FMNL1: variants seen among roughly 807,000 people sequenced by gnomAD.
FMNL1 encodes the protein formin like 1.
Under a neutral mutation model 121.3 loss-of-function variants are expected in FMNL1, and 43 were observed. The ratio of observed to expected loss-of-function variants is 0.35; its 90% CI spans 0.28 to 0.46. The LOEUF is 0.46. Among genes scored for constraint, FMNL1 ranks in the 20% least tolerant of loss-of-function variants. The probability of loss-of-function intolerance (pLI) is 1.00; values close to 1 mark genes in which losing one functional copy is unlikely to be tolerated. For synonymous variants in FMNL1, 613 were observed against 613.5 expected, an observed-to-expected ratio of 1.00 and a Z score of 0.01; for missense variants, 1,191 against 1,482.4, an observed-to-expected ratio of 0.80 and a Z score of 3.23.
At chr17:45,223,118 C>T (rs1310167533) in intron 1 of FMNL1, among the ~76,000 whole-genome samples, 1 of 152,198 alleles carries the variant, frequency 6.6e-6, no homozygotes, top group African/African-American at 2.4e-5. Flanking sequence ...ACTCTCCCCA[C>T]CCCCGACGCC....
chr17:45,244,771 T>G, intron 19 of FMNL1, 48 bp from the exon 20 acceptor site: 1 of 1,567,272 alleles, frequency 6.4e-7, no homozygotes, highest in Non-Finnish European at 8.7e-7. Context: ...GCTTAAGCGG[T>G]GTCCTCAGCT....
At chr17:45,236,269 C>T (rs374827847) in intron 7 of FMNL1, 25 bp downstream of exon 7, 109 of 1,595,774 alleles carry the variant, frequency 6.8e-5, no homozygotes, top group Non-Finnish European at 8.7e-5. Flanking sequence ...ATGGGACTGG[C>T]GACTAGGGAG....
chr17:45,235,479 G>C (rs1036238342), intron 6 of FMNL1, among the ~76,000 whole-genome samples: 1 of 152,224 alleles, frequency 6.6e-6, no homozygotes, highest in African/African-American at 2.4e-5. Context: ...AGGAGGGGGT[G>C]AAGGCGGGGC....
In FMNL1 at chr17:45,245,544, G is replaced by A. The variant is rs1217559556; in HGVS notation, c.2893-88G>A. On this transcript the variant is annotated intron_variant, in intron 22 of 26. Coordinates refer to ENST00000331495, the MANE Select transcript of FMNL1 (RefSeq NM_005892.4). ...GCAGGAATGAGGGGCCACCCTGCCT[G>A]GGAGGAGCTCAGATCAGGTGGCCAG... 1.9e-6 allele frequency: 3 copies of A among 1,602,122 alleles called. No homozygotes were observed. The East Asian group carries it at 6.7e-5, about 36-fold the overall frequency.
intron 20 of FMNL1, 33 bp from the exon 21 acceptor site, chr17:45,244,946 G>T (rs1163228093): frequency 6.2e-7 from 1 of 1,612,086 alleles, no homozygotes; most frequent in Admixed American, 1.7e-5. Context: ...GGACTGGCTG[G>T]TGGCCTGTGG....
intron 11 of FMNL1, 73 bp from the exon 12 acceptor site, chr17:45,240,403 G>A (rs868563772): frequency 3.4e-6 from 5 of 1,468,852 alleles, no homozygotes; most frequent in Middle Eastern, 4.4e-4. Context: ...AGTGGTGGCA[G>A]GGGGGTGGTT....
chr17:45,234,572 G>A lies in FMNL1; in HGVS notation c.614+372G>A, dbSNP rs551577676. ...CTAGCTACTCAGGAAGCTGAGGTGG[G>A]AGAATCGCTGGAGCCCAGGGGATGG... is the stretch of plus-strand genomic sequence containing the variant. On this transcript the variant is annotated intron_variant, in intron 6 of 26. Transcript: ENST00000331495. The A allele has an allele frequency of 5.9e-4, 186 of 315,548 alleles. 1 individual carries two copies. The highest frequency in any genetic ancestry group is 4.9e-3 in the South Asian group (186 of 37,994). 19.5% of individuals were successfully genotyped at this position (315,548 alleles called of 1,614,324 possible).
chr17:45,243,932 G>A lies in FMNL1; in HGVS notation c.2355G>A (p.Met785Ile), dbSNP rs1305354353. The change falls in exon 18 of 27, where the codon ATG becomes ATA. Residue 785 changes from methionine to isoleucine, a missense_variant. Transcript: ENST00000331495. The stretch of plus-strand genomic sequence containing the variant: ...AGCTGTCAGAGGAGGACCGCTTCAT[G>A]CTATGCTTCAGCCGCATCCCGCGCC... ...MEELSEEDRF[M>I]LCFSRIPRLP... is the part of the protein sequence containing the mutation. 1 of 1,613,736 alleles carries A rather than the reference G, an allele frequency of 6.2e-7. No homozygotes were observed. Among genetic ancestry groups the A allele is most frequent in the African/African-American group, 1.3e-5 (1 of 74,962 alleles).
At position 45,241,531 on chromosome 17, in the gene FMNL1, G is replaced by T. The variant is rs145345339; in HGVS notation, c.1482G>T (p.Gly494=). Residue 494 remains glycine (G), a synonymous_variant, in exon 14 of 27, where the codon GGG becomes GGT. Transcript: ENST00000331495. This position sits in a 1 kb window ranked among gnomAD's most constrained non-coding sequence, Gnocchi z 7.0. ...EEKGLIRILR[G]PGDAVSIEIL... Reference sequence around the variant, plus strand: ...AGGGGTTAATCCGTATTCTGCGGGGGCCGGGGGATGCTGTCTCCATCGAGA... The same window carrying T: ...AGGGGTTAATCCGTATTCTGCGGGGTCCGGGGGATGCTGTCTCCATCGAGA... 210 of 1,577,004 alleles carry T rather than the reference G, an allele frequency of 1.3e-4. No homozygotes were observed. Among genetic ancestry groups the T allele is most frequent in the Non-Finnish European group, 1.8e-4 (206 of 1,162,498 alleles).
intron 1 of FMNL1, among the ~76,000 whole-genome samples, chr17:45,225,936 T>A (rs188561494): frequency 6.6e-6 from 1 of 152,266 alleles, no homozygotes; most frequent in East Asian, 1.9e-4. Context: ...ACAGAGCAGA[T>A]GCTCAGTAAC....
Position 45,237,196 on chromosome 17 carries a change from A to C in FMNL1, c.724-85A>C. 1.6e-6 allele frequency: 2 copies of C among 1,247,546 alleles called. No homozygotes were observed. Among genetic ancestry groups the C allele is most frequent in the Non-Finnish European group, 2.3e-6 (2 of 854,734 alleles). 77.3% of individuals were successfully genotyped at this position (1,247,546 alleles called of 1,614,324 possible). On this transcript the variant is annotated intron_variant, in intron 7 of 26. Transcript: ENST00000331495. The surrounding 1 kb of genome is among the most constrained non-coding windows in gnomAD (Gnocchi z 4.4). Reference sequence around the variant, plus strand: ...GGATACAAAGAACTTCCTAAACTCGAGGGCAGTTAAAGATCCACGTGGCGT... The same window carrying C: ...GGATACAAAGAACTTCCTAAACTCGCGGGCAGTTAAAGATCCACGTGGCGT...
chr17:45,245,829 G>A, intron 23 of FMNL1, 49 bp from the exon 24 acceptor site: 1 of 1,575,136 alleles, frequency 6.3e-7, no homozygotes, highest in Non-Finnish European at 8.6e-7. Context: ...TAGGGGGTGG[G>A]TAGGGCAGTA....
intron 3 of FMNL1, chr17:45,232,739 G>A: frequency 1.7e-6 from 1 of 604,406 alleles, no homozygotes. Context: ...CACATGTGCA[G>A]CCCATATGTC....
Position 45,246,190 on chromosome 17 carries a change from G to A in FMNL1, c.3091-20G>A. The A allele has an allele frequency of 1.3e-6, 2 of 1,596,842 alleles. No homozygotes were observed. Among genetic ancestry groups the A allele is most frequent in the South Asian group, 1.1e-5 (1 of 89,762 alleles). ...GTGATGGGGAGGCATCCTGGAGCTG[G>A]AGCTATAAATTCCCCCTAGTCACCG... On this transcript the variant is annotated intron_variant, in intron 24 of 26. Transcript: ENST00000331495.
chr17:45,222,246 G>A lies in FMNL1; in HGVS notation c.122G>A (p.Arg41His). 1 of 1,194,374 alleles carries A rather than the reference G, an allele frequency of 8.4e-7. No homozygotes were observed. The allele number at this position is 1,194,374 out of a possible 1,614,324, so 74.0% of individuals were successfully genotyped here. A position where few individuals can be genotyped will look rare whatever the true frequency, so the allele number is the denominator to read the frequency against. ...GGAGAGCTGGAGGAGAGGTTCAACC[G>A]CGCCCTGGTGAGTGCGACCCGGAGG... ...AAGELEERFN[R>H]ALNCMNLPPD... The change falls in exon 1 of 27, where the codon CGC (arginine) becomes CAC (histidine). Residue 41 changes from arginine to histidine, a missense_variant. Coordinates refer to ENST00000331495, the MANE Select transcript of FMNL1 (RefSeq NM_005892.4).
At chr17:45,245,542 C>T in intron 22 of FMNL1, 90 bp from the exon 23 acceptor site, 1 of 1,600,794 alleles carries the variant, frequency 6.2e-7, no homozygotes, top group Non-Finnish European at 8.6e-7. Context: ...GCCACCCTGC[C>T]TGGGAGGAGC....
chr17:45,234,283 C>T (rs937586270), intron 6 of FMNL1, 83 bp downstream of exon 6: 2 of 1,607,218 alleles, frequency 1.2e-6, no homozygotes, highest in Non-Finnish European at 1.7e-6. Context: ...CACCCCGGGC[C>T]CTTGGGGTTG....
At chr17:45,246,363 C>T (rs1488890555) in intron 25 of FMNL1, 33 bp downstream of exon 25, 3 of 1,614,080 alleles carry the variant, frequency 1.9e-6, no homozygotes, top group East Asian at 2.2e-5. Context: ...GTCTTATCCT[C>T]AGTCTGTCCT....
Position 45,246,225 on chromosome 17 carries a change from C to A in FMNL1, c.3106C>A (p.Arg1036=). 1 of 1,608,950 alleles carries A rather than the reference C, an allele frequency of 6.2e-7. No individual in the cohort carries two copies. Among genetic ancestry groups the A allele is most frequent in the Non-Finnish European group, 8.5e-7 (1 of 1,175,832 alleles). ...TTCCCCCTAGTCACCGCCAAAGGCC[C>A]GGCGGCCACAGATGGACCTCATCTC... is the stretch of plus-strand genomic sequence containing the variant. ...PPAPKSPPKA[R]RPQMDLISEL... The change falls in exon 25 of 27, where the codon CGG becomes AGG. Residue 1036 remains arginine, a synonymous_variant. Transcript: ENST00000331495.
Sources: gnomAD v4.1 joint callset for allele counts (sites outside exome capture counted in the v4.1 genomes callset) on GRCh38, gnomAD v4.1.1 for gene constraint, Gnocchi (gnomAD v3.1) non-coding constraint, MANE v1.5 for transcripts, NCBI Gene and HGNC (gene_info 2026-07-23, HGNC 2026-07-21) for gene names.